The following SLC39A11 variants were observed in gnomAD, a reference collection of about 807,000 sequenced individuals.
SLC39A11 encodes the protein solute carrier family 39 member 11, also known as zinc transporter ZIP11.
A neutral mutation model predicts 36.1 loss-of-function variants in SLC39A11; 33 were observed. The ratio of observed to expected loss-of-function variants is 0.91; its 90% CI spans 0.69 to 1.22. SLC39A11 has a LOEUF of 1.22. Ranked by LOEUF, SLC39A11 falls within the 50% of genes most tolerant of loss-of-function variation. SLC39A11 has a pLI of 0.00. For missense variants in SLC39A11, 432 were observed against 430.3 expected (o/e 1.00, Z -0.03); for synonymous variants, 166 against 170.3 (o/e 0.97, Z 0.20).
intron 6 of SLC39A11, among the ~76,000 whole-genome samples, chr17:72,766,006 G>C (rs1048502264): frequency 1.3e-5 from 2 of 152,144 alleles, no homozygotes; most frequent in Non-Finnish European, 2.9e-5. Flanking sequence ...AGCTCCTGTT[G>C]GCAAAAGTGG....
At chr17:72,802,976 C>T (rs1201334898) in intron 6 of SLC39A11, among the ~76,000 whole-genome samples, 2 of 152,228 alleles carry the variant, frequency 1.3e-5, no homozygotes, top group African/African-American at 4.8e-5. Flanking sequence ...TCCTATTGGA[C>T]CTTCAAGGGC....
intron 5 of SLC39A11, among the ~76,000 whole-genome samples, chr17:72,877,211 T>C (rs1055734113): frequency 6.6e-5 from 10 of 152,216 alleles, no homozygotes; most frequent in Admixed American, 2.6e-4. Context: ...TGGTGTGTGT[T>C]AGGTGTGTGC....
chr17:72,736,749 G>A (rs1182094384), intron 6 of SLC39A11, 30 bp from the exon 7 acceptor site: 2 of 1,566,248 alleles, frequency 1.3e-6, no homozygotes, highest in African/African-American at 1.4e-5. Flanking sequence ...AGCAAGAGGG[G>A]TTAGGAATAT....
At chr17:72,940,298 G>A (rs1043599276) in intron 5 of SLC39A11, among the ~76,000 whole-genome samples, 3 of 126,786 alleles carry the variant, frequency 2.4e-5, no homozygotes, top group Non-Finnish European at 3.4e-5. Flanking sequence ...TTTTTGAGAT[G>A]GAGTTTTGCT....
At chr17:72,657,525 T>C (rs1598245426) in intron 7 of SLC39A11, among the ~76,000 whole-genome samples, 1 of 152,222 alleles carries the variant, frequency 6.6e-6, no homozygotes, top group Non-Finnish European at 1.5e-5. Flanking sequence ...CATTAGAATG[T>C]ACAGGCCAAT....
chr17:72,944,547 A>ACG (rs71154936), intron 5 of SLC39A11, among the ~76,000 whole-genome samples: 3 of 151,976 alleles, frequency 2.0e-5, no homozygotes, highest in Non-Finnish European at 2.9e-5. Context: ...ACACACACAC[A>ACG]TACACACACA....
chr17:72,702,515 C>T (rs1313036102), intron 7 of SLC39A11, among the ~76,000 whole-genome samples: 2 of 152,184 alleles, frequency 1.3e-5, no homozygotes, highest in African/African-American at 4.8e-5. Context: ...TAGAGACCGA[C>T]GGTCTTCCAC....
intron 6 of SLC39A11, among the ~76,000 whole-genome samples, chr17:72,833,161 T>A (rs908897706): frequency 6.6e-6 from 1 of 152,226 alleles, no homozygotes; most frequent in Admixed American, 6.5e-5. Flanking sequence ...ATAAAAATAC[T>A]TTTCAGGCAC....
intron 6 of SLC39A11, among the ~76,000 whole-genome samples, chr17:72,787,945 G>A (rs1315121424): frequency 2.0e-5 from 3 of 152,062 alleles, no homozygotes; most frequent in Non-Finnish European, 4.4e-5. Flanking sequence ...GATATATCAG[G>A]GTTGAAGATT....
chr17:72,700,847 G>A (rs2072576221), intron 7 of SLC39A11, among the ~76,000 whole-genome samples: 1 of 152,322 alleles, frequency 6.6e-6, no homozygotes, highest in African/African-American at 2.4e-5. Context: ...GATCTCCTGA[G>A]ACTTATCCAC....
At chr17:72,780,525 G>T (rs759230607) in intron 6 of SLC39A11, among the ~76,000 whole-genome samples, 6 of 123,064 alleles carry the variant, frequency 4.9e-5, no homozygotes, top group Admixed American at 1.6e-4. Flanking sequence ...GAAGATGGGG[G>T]GCGGGTGGGG....
intron 3 of SLC39A11, among the ~76,000 whole-genome samples, chr17:73,045,268 G>C (rs2059242688): frequency 6.6e-6 from 1 of 151,522 alleles, no homozygotes; most frequent in African/African-American, 2.4e-5. Context: ...AGGTCCCCCA[G>C]GTGAAGTCCT....
chr17:73,085,603 T>G (rs149188614), intron 2 of SLC39A11, among the ~76,000 whole-genome samples: 1 of 146,056 alleles, frequency 6.8e-6, no homozygotes, highest in Non-Finnish European at 1.5e-5. Context: ...GATCATGCCA[T>G]TGCACTCTAG....
intron 6 of SLC39A11, among the ~76,000 whole-genome samples, chr17:72,804,246 C>T (rs1485235100): frequency 6.6e-6 from 1 of 152,110 alleles, no homozygotes; most frequent in Non-Finnish European, 1.5e-5. Flanking sequence ...TATTCCAAGT[C>T]CCCATTTGAA....
At chr17:72,871,069 T>G (rs1393251220) in intron 5 of SLC39A11, among the ~76,000 whole-genome samples, 1 of 150,744 alleles carries the variant, frequency 6.6e-6, no homozygotes, top group African/African-American at 2.4e-5. Flanking sequence ...TTTTTTTTTT[T>G]TTTGGTTTTT....
chr17:72,833,297 TACA>T (rs1385015274), intron 6 of SLC39A11, among the ~76,000 whole-genome samples: 3 of 152,214 alleles, frequency 2.0e-5, no homozygotes, highest in African/African-American at 4.8e-5. Flanking sequence ...TAAAGTGCAG[TACA>T]ACAATAGGTT....
intron 5 of SLC39A11, among the ~76,000 whole-genome samples, chr17:72,852,527 G>A (rs898512859): frequency 2.0e-5 from 3 of 152,158 alleles, no homozygotes; most frequent in Non-Finnish European, 2.9e-5. Context: ...ACAAGGCGAA[G>A]CTCCACACTC....
intron 7 of SLC39A11, among the ~76,000 whole-genome samples, chr17:72,693,327 C>T (rs145893201): frequency 1.5e-3 from 235 of 151,820 alleles, no homozygotes; most frequent in African/African-American, 5.3e-3. Flanking sequence ...AGCAAGCTCA[C>T]GGTCTGGGAA....
At chr17:72,800,886 G>C (rs1394473026) in intron 6 of SLC39A11, among the ~76,000 whole-genome samples, 1 of 152,188 alleles carries the variant, frequency 6.6e-6, no homozygotes, top group African/African-American at 2.4e-5. Flanking sequence ...GTAGAAAAGT[G>C]AGGTACCATA....
Sources: allele counts gnomAD v4.1 joint callset (sites outside exome capture counted in the v4.1 genomes callset), GRCh38; gene constraint gnomAD v4.1.1; transcripts MANE v1.5; gene names NCBI Gene and HGNC (gene_info 2026-07-23, HGNC 2026-07-21).